SNTG1: variants seen among roughly 807,000 people sequenced by gnomAD.
The protein encoded by SNTG1 is gamma-1-syntrophin.
In SNTG1, 39 loss-of-function variants were observed where a neutral mutation model predicts 74.7. That is an observed-to-expected ratio of 0.52 (90% CI 0.40 to 0.68). The LOEUF (loss-of-function observed/expected upper bound fraction) is 0.68, where lower values mean the gene tolerates loss of function less well. Among genes scored for constraint, SNTG1 ranks in the 30% least tolerant of loss-of-function variants. The probability of loss-of-function intolerance (pLI) is 0.00; values close to 1 mark genes in which losing one functional copy is unlikely to be tolerated. For missense variants in SNTG1, 685 were observed against 609.5 expected (o/e 1.12, Z -1.30); for synonymous variants, 254 against 217.1 (o/e 1.17, Z -1.49).
chr8:50,707,630 T>C lies in SNTG1; in HGVS notation c.1192-1256T>C, dbSNP rs188095149. ...TAATGTAGTTTTATACACAGTACTA[T>C]AAAAACAAATACAATGCAAGGATAG... On this transcript the variant is annotated intron_variant, in intron 16 of 18. Transcript: ENST00000642720. Among the ~76,000 whole-genome samples, 140 of 152,310 alleles carry C rather than the reference T, an allele frequency of 9.2e-4. 2 individuals carry two copies. Among genetic ancestry groups the C allele is most frequent in the Middle Eastern group, 6.8e-3 (2 of 292 alleles).
chr8:50,035,224 G>C (rs903013740), intron 1 of SNTG1, among the ~76,000 whole-genome samples: 1 of 152,162 alleles, frequency 6.6e-6, no homozygotes, highest in Non-Finnish European at 1.5e-5. Flanking sequence ...GTCTCTCTTA[G>C]AGTTGATGGT....
intron 2 of SNTG1, among the ~76,000 whole-genome samples, chr8:50,181,848 T>C (rs2083217173): frequency 6.6e-6 from 1 of 152,076 alleles, no homozygotes; most frequent in Non-Finnish European, 1.5e-5. Context: ...TCTTAATATG[T>C]AGAAAAAATA....
chr8:50,644,627 G>A (rs2095095469), intron 13 of SNTG1, among the ~76,000 whole-genome samples: 1 of 152,154 alleles, frequency 6.6e-6, no homozygotes, highest in South Asian at 2.1e-4. Context: ...AAATGTGGGG[G>A]AGAGTCAAAA....
chr8:50,768,238 C>T (rs2095618675), intron 18 of SNTG1, among the ~76,000 whole-genome samples: 1 of 151,936 alleles, frequency 6.6e-6, no homozygotes, highest in Admixed American at 6.6e-5. Context: ...GATTGACTCC[C>T]ATTAATACTA....
intron 15 of SNTG1, among the ~76,000 whole-genome samples, chr8:50,681,564 A>G (rs1276866207): frequency 6.6e-6 from 1 of 152,204 alleles, no homozygotes; most frequent in Non-Finnish European, 1.5e-5. Context: ...TGTAAAACTG[A>G]CAACAATGCT....
intron 8 of SNTG1, among the ~76,000 whole-genome samples, chr8:50,472,177 G>A (rs138614017): frequency 1.3e-5 from 2 of 152,002 alleles, no homozygotes; most frequent in African/African-American, 4.8e-5. Flanking sequence ...GTTTTTCTGA[G>A]AAATAGAAAA....
chr8:50,456,149 C>T (rs765784639), intron 8 of SNTG1, among the ~76,000 whole-genome samples: 1 of 151,994 alleles, frequency 6.6e-6, no homozygotes, highest in African/African-American at 2.4e-5. Flanking sequence ...TTTGCTAGAC[C>T]CACATGTCCG....
chr8:50,187,573 TA>T (rs1202312171), intron 2 of SNTG1, among the ~76,000 whole-genome samples: 1 of 152,050 alleles, frequency 6.6e-6, no homozygotes, highest in Admixed American at 6.6e-5. Context: ...CTTATAGAAT[TA>T]AAAAAATAAG....
intron 1 of SNTG1, among the ~76,000 whole-genome samples, chr8:49,972,247 C>G (rs1054457616): frequency 2.0e-5 from 3 of 152,024 alleles, no homozygotes; most frequent in African/African-American, 7.3e-5. Flanking sequence ...ACAAACCTGA[C>G]AAAAACAAGA....
At chr8:50,409,817 A>G (rs949254587) in intron 4 of SNTG1, among the ~76,000 whole-genome samples, 1 of 151,730 alleles carries the variant, frequency 6.6e-6, no homozygotes, top group Non-Finnish European at 1.5e-5. Flanking sequence ...CAAGATGGCT[A>G]TCTATTTCCC....
chr8:50,161,868 T>TA (rs1369345955), intron 1 of SNTG1, among the ~76,000 whole-genome samples: 1 of 152,110 alleles, frequency 6.6e-6, no homozygotes, highest in African/African-American at 2.4e-5. Context: ...TAATTGTCTT[T>TA]AAAAAAACAC....
chr8:50,210,750 T>G lies in SNTG1; in HGVS notation c.-28+38115T>G, dbSNP rs181376591. 1.8e-3 allele frequency among the ~76,000 whole-genome samples: 277 copies of G among 152,296 alleles called. 2 individuals are homozygous for G. The highest frequency in any genetic ancestry group is 6.3e-3 in the African/African-American group (261 of 41,570). ...TTAAAACTTAAAGGATTTTCACTGT[T>G]GAGTTTGTACCACTCAAGGATTTTG... On this transcript the variant is annotated intron_variant, in intron 2 of 18. Coordinates refer to ENST00000642720, the MANE Select transcript of SNTG1 (RefSeq NM_018967.5).
intron 2 of SNTG1, among the ~76,000 whole-genome samples, chr8:50,214,587 G>C (rs1279001976): frequency 6.6e-6 from 1 of 152,074 alleles, no homozygotes; most frequent in African/African-American, 2.4e-5. Context: ...TTGGGGTCAA[G>C]AAAATACATT....
chr8:50,763,770 C>T (rs1007784737), intron 18 of SNTG1, among the ~76,000 whole-genome samples: 2 of 144,396 alleles, frequency 1.4e-5, no homozygotes, highest in Non-Finnish European at 3.0e-5. Context: ...GTCTATATTA[C>T]CCCCAAAAGA....
intron 1 of SNTG1, among the ~76,000 whole-genome samples, chr8:49,937,061 A>G (rs1808149026): frequency 6.6e-6 from 1 of 152,150 alleles, no homozygotes; most frequent in African/African-American, 2.4e-5. Flanking sequence ...AGGCAGGAGA[A>G]CCGCTTGAAC....
At chr8:50,385,646 A>C (rs1452264482) in intron 2 of SNTG1, among the ~76,000 whole-genome samples, 1 of 152,200 alleles carries the variant, frequency 6.6e-6, no homozygotes, top group Non-Finnish European at 1.5e-5. Context: ...CTGAAGATTG[A>C]TACATCTCTG....
intron 2 of SNTG1, among the ~76,000 whole-genome samples, chr8:50,211,652 T>C (rs2084526501): frequency 1.3e-5 from 2 of 152,146 alleles, no homozygotes; most frequent in African/African-American, 4.8e-5. Context: ...GAAACAATTA[T>C]CAATGAACTG....
intron 15 of SNTG1, among the ~76,000 whole-genome samples, chr8:50,675,716 A>T: frequency 6.6e-6 from 1 of 151,964 alleles, no homozygotes; most frequent in Non-Finnish European, 1.5e-5. Flanking sequence ...TTATCTGATT[A>T]TTTTGGCCAT....
At chr8:50,527,634 A>C (rs2094232512) in intron 9 of SNTG1, among the ~76,000 whole-genome samples, 1 of 152,028 alleles carries the variant, frequency 6.6e-6, no homozygotes, top group Admixed American at 6.6e-5. Flanking sequence ...ATTATTTATT[A>C]TTGTAACATA....
Sources: allele counts gnomAD v4.1 joint callset (sites outside exome capture counted in the v4.1 genomes callset), GRCh38; gene constraint gnomAD v4.1.1; transcripts MANE v1.5; gene names NCBI Gene and HGNC (gene_info 2026-07-23, HGNC 2026-07-21).